POC1A: variants seen among roughly 807,000 people sequenced by gnomAD.
POC1A encodes the protein POC1 centriolar protein A.
In POC1A, 34 loss-of-function variants were observed where a neutral mutation model predicts 47.8. The ratio of observed to expected loss-of-function variants is 0.71; its 90% CI spans 0.54 to 0.95. POC1A has a LOEUF of 0.95. Ranked by LOEUF, POC1A falls within the 40% of genes least tolerant of loss-of-function variation. POC1A has a pLI of 0.00. For synonymous variants in POC1A, 177 were observed against 207.6 expected (o/e 0.85, Z 1.27); for missense variants, 466 against 528.3 (o/e 0.88, Z 1.16).
chr3:52,149,431 T>C, intron 3 of POC1A, 42 bp from the exon 4 acceptor site: 2 of 1,583,934 alleles, frequency 1.3e-6, no homozygotes, highest in South Asian at 2.2e-5. Context: ...CCCATAACAG[T>C]GACATGAGAG....
At chr3:52,118,068 AC>A in intron 9 of POC1A, among the ~76,000 whole-genome samples, 2 of 152,268 alleles carry the variant, frequency 1.3e-5, no homozygotes, top group South Asian at 4.1e-4. Flanking sequence ...AAACACGAGC[AC>A]GGGCACCCAA....
chr3:52,131,697 G>T (rs967177592), intron 7 of POC1A, among the ~76,000 whole-genome samples: 1 of 152,140 alleles, frequency 6.6e-6, no homozygotes, highest in African/African-American at 2.4e-5. Context: ...AGTCTGGGTC[G>T]GGGAGTCTCC....
At chr3:52,142,697 C>T (rs1197288110) in intron 6 of POC1A, among the ~76,000 whole-genome samples, 2 of 152,138 alleles carry the variant, frequency 1.3e-5, no homozygotes, top group Middle Eastern at 3.2e-3. Flanking sequence ...TCACTGTGTC[C>T]GTAGGTTTCC....
At chr3:52,132,529 G>A (rs1704254772) in intron 7 of POC1A, among the ~76,000 whole-genome samples, 1 of 152,080 alleles carries the variant, frequency 6.6e-6, no homozygotes, top group Non-Finnish European at 1.5e-5. Flanking sequence ...TGTGGAAGGA[G>A]GGCAATGCAC....
At position 52,079,798 on chromosome 3, in the gene POC1A, C is replaced by T. The variant is rs1239838972; in HGVS notation, c.1126-3813G>A. ...AAAGTGGCCAGGAAAGATGGCCCAT[C>T]TCCCAGAACTCCCTCTTGCTGGGGT... On this transcript the variant is annotated intron_variant, in intron 10 of 10. Coordinates refer to ENST00000296484, the MANE Select transcript of POC1A (RefSeq NM_015426.5). This position sits in a 1 kb window ranked among gnomAD's most constrained non-coding sequence, Gnocchi z 4.6. 6.6e-6 allele frequency among the ~76,000 whole-genome samples: 1 copy of T among 152,218 alleles called. No individual in the cohort carries two copies. Among genetic ancestry groups the T allele is most frequent in the Non-Finnish European group, 1.5e-5 (1 of 68,044 alleles).
Position 52,122,588 on chromosome 3 carries a change from T to C in POC1A, c.883-111A>G, listed in dbSNP as rs899855655. 4.0e-5 allele frequency: 29 copies of C among 718,778 alleles called. 1 individual carries two copies. Among genetic ancestry groups the C allele is most frequent in the South Asian group, 1.6e-4 (10 of 62,090 alleles). The allele number at this position is 718,778 out of a possible 1,614,324, so 44.5% of individuals were successfully genotyped here. On this transcript the variant is annotated intron_variant, in intron 8 of 10. Coordinates refer to ENST00000296484, the MANE Select transcript of POC1A (RefSeq NM_015426.5). ...CCCAAAGTTCTGAGCCATGGTGGGA[T>C]AGTGGTCCCCACCTGACACCCCAAC...
intron 10 of POC1A, among the ~76,000 whole-genome samples, chr3:52,078,366 T>C (rs1261123048): frequency 6.6e-6 from 1 of 151,754 alleles, no homozygotes; most frequent in African/African-American, 2.4e-5. Context: ...CTTTGCTCCA[T>C]GTAGTTAAAA....
intron 9 of POC1A, among the ~76,000 whole-genome samples, chr3:52,102,779 A>T (rs920146939): frequency 1.3e-5 from 2 of 152,260 alleles, no homozygotes; most frequent in Non-Finnish European, 2.9e-5. Context: ...ATGAAGAGAT[A>T]TATCATGTTC....
chr3:52,134,390 G>A (rs1372278516), intron 7 of POC1A, among the ~76,000 whole-genome samples: 2 of 152,206 alleles, frequency 1.3e-5, no homozygotes, highest in African/African-American at 4.8e-5. Context: ...CCAGCACTTT[G>A]GGAGGCTGAG....
At chr3:52,147,286 A>T (rs1698400330) in intron 4 of POC1A, among the ~76,000 whole-genome samples, 191 bp from the exon 5 acceptor site, 1 of 151,678 alleles carries the variant, frequency 6.6e-6, no homozygotes, top group Non-Finnish European at 1.5e-5. Flanking sequence ...GAACAAATGC[A>T]TTGCATCCTA....
In POC1A at chr3:52,102,285, C is replaced by T. The variant is rs748528580; in HGVS notation, c.982-5573G>A. Among the ~76,000 whole-genome samples the T allele has an allele frequency of 2.0e-5, 3 of 152,150 alleles. No individual in the cohort carries two copies. In the East Asian group the frequency reaches 5.8e-4, roughly 29 times the overall value. ...TGTAACAAATTGTCACATTTGATGGCGTAAAACAATCTAAATTAATTCTCT... is the reference window on the plus strand; with the variant it reads ...TGTAACAAATTGTCACATTTGATGGTGTAAAACAATCTAAATTAATTCTCT... On this transcript the variant is annotated intron_variant, in intron 9 of 10. Coordinates refer to ENST00000296484, the MANE Select transcript of POC1A (RefSeq NM_015426.5).
chr3:52,147,673 G>A (rs1174489635), intron 4 of POC1A, among the ~76,000 whole-genome samples: 1 of 151,976 alleles, frequency 6.6e-6, no homozygotes, highest in Non-Finnish European at 1.5e-5. Context: ...CTAACTCCTG[G>A]AGTCAAAGGA....
At position 52,075,682 on chromosome 3, in the gene POC1A, C is replaced by T. The variant is rs369635385; in HGVS notation, c.*205G>A. 26 of 507,022 alleles carry T rather than the reference C, an allele frequency of 5.1e-5. No homozygotes were observed. Among genetic ancestry groups the T allele is most frequent in the Middle Eastern group, 4.4e-4 (1 of 2,254 alleles). 31.4% of individuals were successfully genotyped at this position (507,022 alleles called of 1,614,324 possible). On this transcript the variant is annotated 3_prime_UTR_variant, in exon 11 of 11. Transcript: ENST00000296484. ...CTGAAGCATCATTTGTGTGTGAGCC[C>T]GGCCCACTGGGGACCTCTGGCTGCC...
intron 10 of POC1A, among the ~76,000 whole-genome samples, chr3:52,076,194 T>G (rs1702111630): frequency 1.3e-5 from 2 of 152,282 alleles, no homozygotes; most frequent in South Asian, 4.1e-4. Context: ...TCTGGATGGC[T>G]GATCTATAAT....
At chr3:52,126,734 G>T (rs1445998141) in intron 7 of POC1A, among the ~76,000 whole-genome samples, 4 of 152,220 alleles carry the variant, frequency 2.6e-5, no homozygotes, top group African/African-American at 9.7e-5. Context: ...TCATCCCACG[G>T]CAGAAGGGCA....
At chr3:52,080,867 G>A (rs909516645) in intron 10 of POC1A, among the ~76,000 whole-genome samples, 15 of 152,228 alleles carry the variant, frequency 9.9e-5, no homozygotes, top group African/African-American at 3.6e-4. Context: ...CGGAGTGACA[G>A]GAAGCCGGAT....
At chr3:52,119,840 G>T (rs1703704704) in intron 9 of POC1A, among the ~76,000 whole-genome samples, 1 of 152,236 alleles carries the variant, frequency 6.6e-6, no homozygotes. Context: ...TCTGGCCCAA[G>T]ATATCAATAG....
chr3:52,084,236 C>T lies in POC1A; in HGVS notation c.1126-8251G>A, dbSNP rs566912892. Among the ~76,000 whole-genome samples, 1 of 152,222 alleles carries T rather than the reference C, an allele frequency of 6.6e-6. No individual in the cohort carries two copies. Among genetic ancestry groups the T allele is most frequent in the Non-Finnish European group, 1.5e-5 (1 of 68,040 alleles). ...TCAGAGCACAGACCAAGGGCACACCCTCAGAGACAGGTCCCTTCCAGGAGC... is the reference window on the plus strand; with the variant it reads ...TCAGAGCACAGACCAAGGGCACACCTTCAGAGACAGGTCCCTTCCAGGAGC... On this transcript the variant is annotated intron_variant, in intron 10 of 10. Coordinates refer to ENST00000296484, the MANE Select transcript of POC1A (RefSeq NM_015426.5). The surrounding 1 kb of genome is among the most constrained non-coding windows in gnomAD (Gnocchi z 4.3).
intron 9 of POC1A, among the ~76,000 whole-genome samples, chr3:52,120,561 T>C (rs1703742889): frequency 6.6e-6 from 1 of 152,216 alleles, no homozygotes; most frequent in Non-Finnish European, 1.5e-5. Flanking sequence ...GTGGAAATGT[T>C]GGTTTGGGAA....
Sources: allele counts gnomAD v4.1 joint callset (sites outside exome capture counted in the v4.1 genomes callset), GRCh38; gene constraint gnomAD v4.1.1; non-coding constraint Gnocchi (gnomAD v3.1); transcripts MANE v1.5; gene names NCBI Gene and HGNC (gene_info 2026-07-23, HGNC 2026-07-21).